Variants in CPQ observed in about 807,000 individuals in gnomAD.
CPQ encodes Ser-Met dipeptidase.
A neutral mutation model predicts 45.7 loss-of-function variants in CPQ; 37 were observed. The ratio of observed to expected loss-of-function variants is 0.81; its 90% CI spans 0.62 to 1.07. CPQ has a LOEUF of 1.07. Among genes scored for constraint, CPQ ranks in the 50% least tolerant of loss-of-function variants. CPQ has a pLI of 0.00. For synonymous variants in CPQ, 186 were observed against 205.8 expected (o/e 0.90, Z 0.82); for missense variants, 537 against 572.9 (o/e 0.94, Z 0.64).
chr8:96,873,897 G>A (rs572377014), intron 3 of CPQ, among the ~76,000 whole-genome samples: 1 of 151,934 alleles, frequency 6.6e-6, no homozygotes, highest in African/African-American at 2.4e-5. Flanking sequence ...GAAACATAAA[G>A]TGCTTGGTAT....
At chr8:96,658,572 C>T (rs528140125) in intron 1 of CPQ, among the ~76,000 whole-genome samples, 2 of 152,310 alleles carry the variant, frequency 1.3e-5, no homozygotes, top group East Asian at 3.9e-4. Flanking sequence ...ATTAAGGTTG[C>T]AGATAGAATT....
chr8:96,966,960 AAT>A (rs1813577099), intron 5 of CPQ, among the ~76,000 whole-genome samples: 1 of 152,224 alleles, frequency 6.6e-6, no homozygotes, highest in Non-Finnish European at 1.5e-5. Flanking sequence ...CATAGTTATC[AAT>A]ATAGACATAA....
At chr8:96,953,635 A>G (rs1699949776) in intron 4 of CPQ, among the ~76,000 whole-genome samples, 1 of 152,182 alleles carries the variant, frequency 6.6e-6, no homozygotes, top group Non-Finnish European at 1.5e-5. Flanking sequence ...AAGGGAGTAA[A>G]AAAGTGTTGG....
At chr8:96,893,223 G>C (rs573312259) in intron 4 of CPQ, among the ~76,000 whole-genome samples, 48 of 152,284 alleles carry the variant, frequency 3.2e-4, no homozygotes, top group African/African-American at 1.1e-3. Context: ...AGTTTGTGAA[G>C]TGCTGCTACC....
At chr8:97,069,282 T>C (rs984320184) in intron 7 of CPQ, among the ~76,000 whole-genome samples, 2 of 152,132 alleles carry the variant, frequency 1.3e-5, no homozygotes, top group African/African-American at 2.4e-5. Flanking sequence ...AAATTTGGGC[T>C]ATTCCTGGAA....
chr8:96,674,970 C>T (rs1809056314), intron 1 of CPQ, among the ~76,000 whole-genome samples: 1 of 152,176 alleles, frequency 6.6e-6, no homozygotes, highest in African/African-American at 2.4e-5. Flanking sequence ...ATTTATCCCG[C>T]CTGTCCCTGG....
In CPQ at chr8:96,810,678, C is replaced by T. The variant is rs758593881; in HGVS notation, c.434-24295C>T. On this transcript the variant is annotated intron_variant, in intron 2 of 7. Coordinates refer to ENST00000220763, the MANE Select transcript of CPQ (RefSeq NM_016134.4). ...AAACCAAACGGATAAAATATATTCA[C>T]CTTCAACTTTAAGGGTAGTGTCTGC... Among the ~76,000 whole-genome samples, 3 of 152,168 alleles carry T rather than the reference C, an allele frequency of 2.0e-5. 1 individual carries two copies. In the South Asian group the frequency reaches 6.2e-4, roughly 32 times the overall value.
intron 1 of CPQ, among the ~76,000 whole-genome samples, chr8:96,708,315 G>A (rs186158124): frequency 7.2e-5 from 11 of 151,912 alleles, no homozygotes; most frequent in Non-Finnish European, 1.2e-4. Context: ...TAATATATCC[G>A]TAGGTTCCAA....
chr8:97,012,812 G>A (rs906963020), intron 5 of CPQ, among the ~76,000 whole-genome samples: 2 of 151,530 alleles, frequency 1.3e-5, no homozygotes, highest in African/African-American at 4.9e-5. Context: ...AATGTGAGGT[G>A]CATAAAATGT....
At chr8:96,649,057 A>G (rs1476727731) in intron 1 of CPQ, among the ~76,000 whole-genome samples, 1 of 152,194 alleles carries the variant, frequency 6.6e-6, no homozygotes, top group Non-Finnish European at 1.5e-5. Context: ...TCTCACTGCG[A>G]CTTCCGCCTC....
chr8:96,737,292 A>T (rs1973466375), intron 1 of CPQ, among the ~76,000 whole-genome samples: 1 of 147,838 alleles, frequency 6.8e-6, no homozygotes, highest in Admixed American at 6.8e-5. Flanking sequence ...GTATATATAC[A>T]CATACAAAAC....
rs111272076 is a variant in CPQ, at chr8:96,724,368, A to G, written c.-34-60496A>G. ...TTGTTCTTTCCAAAACTCATATTGA[A>G]ATTTAATCCCCAATGTGGTGGTATT... is the stretch of plus-strand genomic sequence containing the variant. On this transcript the variant is annotated intron_variant, in intron 1 of 7. Transcript: ENST00000220763. 5.6e-3 allele frequency among the ~76,000 whole-genome samples: 849 copies of G among 152,140 alleles called. 13 individuals carry two copies. Among genetic ancestry groups the G allele is most frequent in the African/African-American group, 0.02 (813 of 41,502 alleles).
At chr8:97,122,662 G>A (rs1459287589) in intron 7 of CPQ, among the ~76,000 whole-genome samples, 3 of 151,812 alleles carry the variant, frequency 2.0e-5, no homozygotes, top group Non-Finnish European at 1.5e-5. Flanking sequence ...AAGGCACGCG[G>A]ATCATTGAGG....
intron 6 of CPQ, among the ~76,000 whole-genome samples, chr8:97,039,589 C>A (rs908046795): frequency 6.6e-6 from 1 of 151,640 alleles, no homozygotes; most frequent in Non-Finnish European, 1.5e-5. Flanking sequence ...CCCATTAACT[C>A]GTCATTTAGC....
chr8:96,929,521 C>A (rs149135977), intron 4 of CPQ, among the ~76,000 whole-genome samples: 3 of 152,126 alleles, frequency 2.0e-5, no homozygotes, highest in African/African-American at 4.8e-5. Flanking sequence ...AGTGTGATAC[C>A]CCCTCCTGTT....
intron 4 of CPQ, among the ~76,000 whole-genome samples, chr8:96,959,682 AT>A (rs1279215296): frequency 6.0e-5 from 9 of 150,298 alleles, no homozygotes; most frequent in African/African-American, 1.7e-4. Flanking sequence ...ATAATGAGTT[AT>A]TTTTTTTTCT....
intron 1 of CPQ, among the ~76,000 whole-genome samples, chr8:96,720,611 A>G (rs113956305): frequency 6.8e-4 from 104 of 152,238 alleles, no homozygotes; most frequent in Admixed American, 1.9e-3. Flanking sequence ...TTCTTGGACT[A>G]GTTTAGTCTG....
At chr8:97,017,082 C>A (rs112522157) in intron 5 of CPQ, among the ~76,000 whole-genome samples, 1,611 of 152,236 alleles carry the variant, frequency 0.011, 24 homozygotes, top group African/African-American at 0.037. Flanking sequence ...TAAGACACCC[C>A]AAAAAACTGT....
At chr8:97,035,894 AG>A (rs1202491106) in intron 6 of CPQ, among the ~76,000 whole-genome samples, 3 of 152,074 alleles carry the variant, frequency 2.0e-5, no homozygotes, top group South Asian at 4.2e-4. Context: ...TTTTTAGTAG[AG>A]ACCGGGTTTC....
Sources: gnomAD v4.1 joint callset for allele counts (sites outside exome capture counted in the v4.1 genomes callset) on GRCh38, gnomAD v4.1.1 for gene constraint, MANE v1.5 for transcripts, NCBI Gene and HGNC (gene_info 2026-07-23, HGNC 2026-07-21) for gene names.